Variants in CHUK observed in about 807,000 individuals in gnomAD.
The protein encoded by CHUK is component of inhibitor of nuclear factor kappa B kinase complex.
A neutral mutation model predicts 104.8 loss-of-function variants in CHUK; 35 were observed. That is an observed-to-expected ratio of 0.33 (90% CI 0.26 to 0.44). The LOEUF (loss-of-function observed/expected upper bound fraction) is 0.44, where lower values mean the gene tolerates loss of function less well. Among genes scored for constraint, CHUK ranks in the 20% least tolerant of loss-of-function variants. The pLI, the probability that CHUK is intolerant of heterozygous loss-of-function variation, is 1.00. For synonymous variants in CHUK, 276 were observed against 291.9 expected (o/e 0.95, Z 0.56); for missense variants, 663 against 902.7 (o/e 0.73, Z 3.40).
At chr10:100,210,017 GTT>G (rs1328014017) in intron 9 of CHUK, among the ~76,000 whole-genome samples, 1 of 151,222 alleles carries the variant, frequency 6.6e-6, no homozygotes, top group Non-Finnish European at 1.5e-5. Context: ...AAATTTCAAA[GTT>G]AAGAAATTTT....
Position 100,202,140 on chromosome 10 carries a change from T to G in CHUK, c.1517A>C (p.Lys506Thr). ...EQMTYGISSE[K>T]MLKAWKEMEE... The stretch of plus-strand genomic sequence containing the variant: ...CATTTCTTTCCATGCTTTTAGCATT[T>G]TTTCTGAAGCTAAAAGAAAAGTCTA... Residue 506 changes from lysine to threonine, a missense_variant, in exon 14 of 21, where the codon AAA becomes ACA. Around this residue, in one of 5 missense-constraint regions of CHUK, gnomAD observed 311 missense variants for 393.4 expected, o/e 0.79. Transcript: ENST00000370397. 1 of 1,610,880 alleles carries G rather than the reference T, an allele frequency of 6.2e-7. No individual in the cohort carries two copies. The highest frequency in any genetic ancestry group is 1.3e-5 in the African/African-American group (1 of 75,012).
In CHUK at chr10:100,209,622, T is replaced by C. The variant is rs758020745; in HGVS notation, c.1101A>G (p.Pro367=). ...ETGISLDPRK[P]ASQCVLDGVR... The stretch of plus-strand genomic sequence containing the variant: ...CTCCATCTAGAACACATTGAGAGGC[T>C]GGTTTCCGAGGATCCAGAGAAATTC... The change falls in exon 10 of 21, where the codon CCA becomes CCG. Residue 367 remains proline, a synonymous_variant. Coordinates refer to ENST00000370397, the MANE Select transcript of CHUK (RefSeq NM_001278.5). 6.2e-7 allele frequency: 1 copy of C among 1,609,566 alleles called. No homozygotes were observed.
chr10:100,224,890 C>G (rs979597493), intron 2 of CHUK, among the ~76,000 whole-genome samples: 1 of 152,082 alleles, frequency 6.6e-6, no homozygotes, highest in African/African-American at 2.4e-5. Context: ...GCTCTTGTCA[C>G]CCAGGCTGGA....
Position 100,218,139 on chromosome 10 carries a change from C to T in CHUK, c.798-9G>A. ...TGGGTTCTACTACTAAACTAGAAAA[C>T]ATACAAAATAGGGTGAAAATCAAAT... On this transcript the variant is annotated splice_polypyrimidine_tract_variant and intron_variant, in intron 8 of 20. Coordinates refer to ENST00000370397, the MANE Select transcript of CHUK (RefSeq NM_001278.5). 6.2e-7 allele frequency: 1 copy of T among 1,605,358 alleles called. No homozygotes were observed. The highest frequency in any genetic ancestry group is 8.5e-7 in the Non-Finnish European group (1 of 1,171,996).
intron 1 of CHUK, 37 bp downstream of exon 1, chr10:100,229,391 C>T: frequency 6.7e-7 from 1 of 1,492,206 alleles, no homozygotes; most frequent in Non-Finnish European, 9.3e-7. Flanking sequence ...CACCGCCGCT[C>T]CAACCCACCG....
Position 100,229,416 on chromosome 10 carries a change from G to T in CHUK, c.105+12C>A. 6.3e-7 allele frequency: 1 copy of T among 1,591,034 alleles called. No individual in the cohort carries two copies. Among genetic ancestry groups the T allele is most frequent in the Non-Finnish European group, 8.6e-7 (1 of 1,168,736 alleles). On this transcript the variant is annotated intron_variant, in intron 1 of 20. Coordinates refer to ENST00000370397, the MANE Select transcript of CHUK (RefSeq NM_001278.5). ...CCAACCCACCGCCGCTCCCTCTCAC[G>T]CCCCGCCTCACCCGATGCTGGTACA...
At chr10:100,206,667 C>A (rs1477396542) in intron 11 of CHUK, among the ~76,000 whole-genome samples, 1 of 152,072 alleles carries the variant, frequency 6.6e-6, no homozygotes, top group Non-Finnish European at 1.5e-5. Context: ...TCTATGTAAA[C>A]TGCCTCAATT....
Position 100,217,975 on chromosome 10 carries a change from G to T in CHUK, c.933+20C>A. The T allele has an allele frequency of 6.2e-7, 1 of 1,608,926 alleles. No homozygotes were observed. The highest frequency in any genetic ancestry group is 8.5e-7 in the Non-Finnish European group (1 of 1,175,244). On this transcript the variant is annotated intron_variant, in intron 9 of 20. Transcript: ENST00000370397. Reference sequence around the variant, plus strand: ...TTACTTTCAATGCTGGTCTTATGCAGTAGACCCATTAAGACTAACCTTCAA... The same window carrying T: ...TTACTTTCAATGCTGGTCTTATGCATTAGACCCATTAAGACTAACCTTCAA...
intron 16 of CHUK, among the ~76,000 whole-genome samples, chr10:100,199,736 C>T (rs538692739): frequency 4.1e-4 from 62 of 152,210 alleles, no homozygotes; most frequent in African/African-American, 1.3e-3. Context: ...TTTCTTTTCA[C>T]GTCCCCTTCT....
chr10:100,201,488 A>G (rs1177296160), intron 14 of CHUK, among the ~76,000 whole-genome samples: 1 of 152,208 alleles, frequency 6.6e-6, no homozygotes, highest in Non-Finnish European at 1.5e-5. Context: ...AGTCACAAAA[A>G]TAATAGTGAC....
intron 9 of CHUK, among the ~76,000 whole-genome samples, chr10:100,217,370 G>A (rs1196670646): frequency 6.6e-6 from 1 of 152,010 alleles, no homozygotes; most frequent in Non-Finnish European, 1.5e-5. Context: ...AGTAAGTGCA[G>A]AGCCATGAAA....
intron 1 of CHUK, among the ~76,000 whole-genome samples, chr10:100,229,013 A>ACACACACACACACACC (rs1846172833): frequency 6.6e-6 from 1 of 150,698 alleles, no homozygotes; most frequent in East Asian, 2.0e-4. Context: ...ACACACACAC[A>ACACACACACACACACC]CACACACACA....
chr10:100,229,097 T>C (rs1375257148), intron 1 of CHUK, among the ~76,000 whole-genome samples: 1 of 151,448 alleles, frequency 6.6e-6, no homozygotes, highest in Non-Finnish European at 1.5e-5. Flanking sequence ...ACATACACAC[T>C]GTGACGTGCA....
intron 2 of CHUK, among the ~76,000 whole-genome samples, chr10:100,224,086 A>ACTCTCTCTCTCTCT (rs3884083): frequency 1.3e-5 from 2 of 148,220 alleles, no homozygotes; most frequent in African/African-American, 2.5e-5. Flanking sequence ...TCGCTCGTTC[A>ACTCTCTCTCTCTCT]CTCTCTCTCT....
In CHUK at chr10:100,199,283, C is replaced by A. The variant is rs17883625; in HGVS notation, c.1729+688G>T. 1.1e-3 allele frequency among the ~76,000 whole-genome samples: 163 copies of A among 152,274 alleles called. 1 individual carries two copies. The highest frequency in any genetic ancestry group is 2.9e-3 in the Admixed American group (45 of 15,290). On this transcript the variant is annotated intron_variant, in intron 16 of 20. Transcript: ENST00000370397. ...GCACAGGCCTTCCCTCTAACCATTC[C>A]ATACCTGAACCCACTGCCTCAAATT...
At chr10:100,195,009 C>T (rs945995770) in intron 16 of CHUK, 1 of 154,390 alleles carries the variant, frequency 6.5e-6, no homozygotes, top group Non-Finnish European at 1.4e-5. Context: ...TTGAAAAAAG[C>T]TCATTGAAAC....
chr10:100,220,676 C>A lies in CHUK; in HGVS notation c.386G>T (p.Gly129Val). The A allele has an allele frequency of 6.3e-7, 1 of 1,595,442 alleles. No individual in the cohort carries two copies. Among genetic ancestry groups the A allele is most frequent in the South Asian group, 1.1e-5 (1 of 90,634 alleles). ...SQILSLLSDI[G>V]SGIRYLHENK... ...TTCATGCAAATATCGAATCCCAGAC[C>A]CTAAATAAAGTTTAAAATATACTTT... The change falls in exon 5 of 21, where the codon GGG (glycine) becomes GTG (valine). Residue 129 changes from glycine (G) to valine (V), a missense_variant and splice_region_variant. This residue lies in a region of CHUK where 200 missense variants were observed against 333.0 expected (regional missense o/e 0.60). Transcript: ENST00000370397.
At chr10:100,204,455 TG>T in intron 13 of CHUK, 50 bp downstream of exon 13, 1 of 1,523,502 alleles carries the variant, frequency 6.6e-7, no homozygotes, top group Non-Finnish European at 9.1e-7. Flanking sequence ...AAATAACAGA[TG>T]GCTTCAAGAA....
intron 5 of CHUK, 66 bp from the exon 6 acceptor site, chr10:100,219,425 A>C: frequency 1.1e-6 from 1 of 919,142 alleles, no homozygotes. Context: ...AGACAACAAT[A>C]TCCTTACGAG....
Sources: gnomAD v4.1 joint callset for allele counts (sites outside exome capture counted in the v4.1 genomes callset) on GRCh38, gnomAD v4.1.1 for gene constraint, gnomAD v4.1.1 regional missense constraint, MANE v1.5 for transcripts, NCBI Gene and HGNC (gene_info 2026-07-23, HGNC 2026-07-21) for gene names.